Variants in CACNA1B observed in about 807,000 individuals in gnomAD.
CACNA1B encodes calcium voltage-gated channel subunit alpha1 B.
Under a neutral mutation model 247.2 loss-of-function variants are expected in CACNA1B, and 70 were observed. That is an observed-to-expected ratio of 0.28 (90% CI 0.23 to 0.35). The LOEUF (loss-of-function observed/expected upper bound fraction) is 0.35, where lower values mean the gene tolerates loss of function less well. CACNA1B is among the 10% of genes least tolerant of loss of function. CACNA1B has a pLI of 1.00. For missense variants in CACNA1B, 2,367 were observed against 3,197.4 expected (o/e 0.74, Z 6.26); for synonymous variants, 1,231 against 1,294.4 (o/e 0.95, Z 1.05).
At chr9:137,938,924 A>G (rs1957699593) in intron 6 of CACNA1B, among the ~76,000 whole-genome samples, 1 of 152,140 alleles carries the variant, frequency 6.6e-6, no homozygotes, top group Non-Finnish European at 1.5e-5. Flanking sequence ...AATACAAAAT[A>G]GCCAGGTGTG....
chr9:138,014,457 T>A lies in CACNA1B; in HGVS notation c.2267+1222T>A, dbSNP rs1958765470. ...GATGGGAGGGGCCTGCAGGGGAACT[T>A]GGCAGCTGTGGACACGGTGGCCATC... On this transcript the variant is annotated intron_variant, in intron 18 of 46. Coordinates refer to ENST00000371372, the MANE Select transcript of CACNA1B (RefSeq NM_000718.4). The surrounding 1 kb of genome is among the most constrained non-coding windows in gnomAD (Gnocchi z 6.2). 6.6e-6 allele frequency among the ~76,000 whole-genome samples: 1 copy of A among 152,010 alleles called. No homozygotes were observed. The highest frequency in any genetic ancestry group is 1.5e-5 in the Non-Finnish European group (1 of 67,976).
rs1959257819 is a variant in CACNA1B, at chr9:138,051,058, A to G, written c.3711-1034A>G. ...GACGTGGCCTCTGAGCAGGGTGGGA[A>G]GGGTTCCATGTGTGAGTGAATCCCA... is the stretch of plus-strand genomic sequence containing the variant. On this transcript the variant is annotated intron_variant, in intron 24 of 46. Transcript: ENST00000371372. This position sits in a 1 kb window ranked among gnomAD's most constrained non-coding sequence, Gnocchi z 4.3. Among the ~76,000 whole-genome samples the G allele has an allele frequency of 6.6e-6, 1 of 152,072 alleles. No individual in the cohort carries two copies. The highest frequency in any genetic ancestry group is 1.5e-5 in the Non-Finnish European group (1 of 67,998).
chr9:137,923,542 A>ATGGC (rs1652352371), intron 6 of CACNA1B, among the ~76,000 whole-genome samples: 1 of 151,626 alleles, frequency 6.6e-6, no homozygotes, highest in Non-Finnish European at 1.5e-5. Flanking sequence ...ATTCCGTGCT[A>ATGGC]TGGCTGTACC....
Position 138,121,031 on chromosome 9 carries a change from T to C in CACNA1B, c.6489+150T>C, listed in dbSNP as rs1962074914. Reference sequence around the variant, plus strand: ...GGGCCGGGCGCTCCCCTCTGTGCCCTGTCCCGGAGCCCACGTCTGCAGCCT... The same window carrying C: ...GGGCCGGGCGCTCCCCTCTGTGCCCCGTCCCGGAGCCCACGTCTGCAGCCT... On this transcript the variant is annotated intron_variant, in intron 46 of 46. Coordinates refer to ENST00000371372, the MANE Select transcript of CACNA1B (RefSeq NM_000718.4). The surrounding 1 kb of genome is among the most constrained non-coding windows in gnomAD (Gnocchi z 6.8). 1.2e-5 allele frequency: 11 copies of C among 903,066 alleles called. No individual in the cohort carries two copies. Among genetic ancestry groups the C allele is most frequent in the African/African-American group, 1.7e-5 (1 of 58,428 alleles). The allele number at this position is 903,066 out of a possible 1,614,324, so 55.9% of individuals were successfully genotyped here. A position where few individuals can be genotyped will look rare whatever the true frequency, so the allele number is the denominator to read the frequency against.
Position 138,049,256 on chromosome 9 carries a change from C to T in CACNA1B, c.3651C>T (p.Asp1217=). 1 of 1,613,850 alleles carries T rather than the reference C, an allele frequency of 6.2e-7. No homozygotes were observed. The highest frequency in any genetic ancestry group is 8.5e-7 in the Non-Finnish European group (1 of 1,179,694). ...TTCACCCTGGAGCCTATTTCCGGGA[C>T]TTGTGGAACATTCTGGACTTCATTG... The part of the protein sequence containing the change: ...LLLHPGAYFR[D]LWNILDFIVV... Residue 1217 remains aspartate, a synonymous_variant, in exon 24 of 47, where the codon GAC becomes GAT. Coordinates refer to ENST00000371372, the MANE Select transcript of CACNA1B (RefSeq NM_000718.4).
rs1310684709 is a variant in CACNA1B at position 138,054,707 on chromosome 9, G to A, written c.3968+701G>A. 2.6e-5 allele frequency among the ~76,000 whole-genome samples: 4 copies of A among 152,200 alleles called. No homozygotes were observed. The highest frequency in any genetic ancestry group is 5.9e-5 in the Non-Finnish European group (4 of 68,034). On this transcript the variant is annotated intron_variant, in intron 26 of 46. Transcript: ENST00000371372. This position sits in a 1 kb window ranked among gnomAD's most constrained non-coding sequence, Gnocchi z 4.6. ...GTATCTGTCTGGTAGTGGAATTGCCGGGTCCTGGGTGTGCGTGTACTCAGC... is the reference window on the plus strand; with the variant it reads ...GTATCTGTCTGGTAGTGGAATTGCCAGGTCCTGGGTGTGCGTGTACTCAGC...
chr9:137,954,326 A>G lies in CACNA1B; in HGVS notation c.1071-1372A>G, dbSNP rs1957918583. Among the ~76,000 whole-genome samples the G allele has an allele frequency of 6.6e-6, 1 of 152,198 alleles. No individual in the cohort carries two copies. ...TGCAGGAGGGGCCAGCTTGGGGCCA[A>G]TTCGGCATCTCTCTCTCCATTCCCA... On this transcript the variant is annotated intron_variant, in intron 7 of 46. Transcript: ENST00000371372. The surrounding 1 kb of genome is among the most constrained non-coding windows in gnomAD (Gnocchi z 4.1).
At chr9:138,015,538 C>T (rs996308694) in intron 18 of CACNA1B, among the ~76,000 whole-genome samples, 1 of 146,806 alleles carries the variant, frequency 6.8e-6, no homozygotes, top group South Asian at 2.1e-4. Flanking sequence ...CTGGGCTGTG[C>T]GAGAGCAGTG....
chr9:137,965,743 G>A (rs982881186), intron 10 of CACNA1B, among the ~76,000 whole-genome samples: 7 of 152,070 alleles, frequency 4.6e-5, no homozygotes, highest in East Asian at 1.9e-4. Flanking sequence ...CCACCACCAC[G>A]CCCAGCTAAT....
At chr9:137,993,489 C>G (rs1375096037) in intron 15 of CACNA1B, among the ~76,000 whole-genome samples, 1 of 151,824 alleles carries the variant, frequency 6.6e-6, no homozygotes, top group East Asian at 1.9e-4. Context: ...AATATAAGCT[C>G]AATTAGAAAT....
intron 20 of CACNA1B, among the ~76,000 whole-genome samples, chr9:138,043,065 G>A (rs999860297): frequency 3.9e-5 from 6 of 152,182 alleles, no homozygotes; most frequent in African/African-American, 1.2e-4. Flanking sequence ...GAAAAACACT[G>A]GGCAGGGACA....
intron 6 of CACNA1B, among the ~76,000 whole-genome samples, chr9:137,951,683 G>T (rs1012456690): frequency 6.6e-5 from 10 of 152,244 alleles, no homozygotes; most frequent in Non-Finnish European, 1.3e-4. Context: ...AAAAGCAAAA[G>T]ATCTGGGAAA....
chr9:137,969,341 A>G (rs989816277), intron 10 of CACNA1B, among the ~76,000 whole-genome samples: 1 of 152,204 alleles, frequency 6.6e-6, no homozygotes, highest in Non-Finnish European at 1.5e-5. Flanking sequence ...GGCTGTTGGC[A>G]TGACTATGGT....
In CACNA1B at chr9:138,086,212, C is replaced by G. The variant is rs1411707323; in HGVS notation, c.5094+7954C>G. ...CTGGCTGAATAGATTTTTTAAATGA[C>G]CCAACTATATACTGCCTACAAGAAG... On this transcript the variant is annotated intron_variant, in intron 36 of 46. Coordinates refer to ENST00000371372, the MANE Select transcript of CACNA1B (RefSeq NM_000718.4). 1.3e-5 allele frequency among the ~76,000 whole-genome samples: 2 copies of G among 151,070 alleles called. 1 individual carries two copies. Among genetic ancestry groups the G allele is most frequent in the East Asian group, 4.1e-4 (2 of 4,928 alleles).
intron 18 of CACNA1B, among the ~76,000 whole-genome samples, chr9:138,021,436 TTA>T (rs777417858): frequency 6.6e-6 from 1 of 152,222 alleles, no homozygotes; most frequent in Admixed American, 6.5e-5. Context: ...GGGGCAGGAT[TTA>T]TTGTTCACCT....
intron 18 of CACNA1B, among the ~76,000 whole-genome samples, chr9:138,016,174 TCA>T (rs946451062): frequency 3.9e-5 from 6 of 152,032 alleles, no homozygotes; most frequent in African/African-American, 1.5e-4. Flanking sequence ...ACACACAGTC[TCA>T]CACACACAGT....
chr9:137,986,556 C>T lies in CACNA1B; in HGVS notation c.1901+12C>T, dbSNP rs199845791. On this transcript the variant is annotated intron_variant, in intron 14 of 46. Coordinates refer to ENST00000371372, the MANE Select transcript of CACNA1B (RefSeq NM_000718.4). The surrounding 1 kb of genome is among the most constrained non-coding windows in gnomAD (Gnocchi z 6.0). The stretch of plus-strand genomic sequence containing the variant: ...CTGTTTGGGGGACAGTAAGTGGGCC[C>T]GGGAGGGAGAGCTCAAGGCTGGGGG... 17 of 1,613,380 alleles carry T rather than the reference C, an allele frequency of 1.1e-5. No homozygotes were observed. Among genetic ancestry groups the T allele is most frequent in the South Asian group, 5.5e-5 (5 of 91,036 alleles).
chr9:138,022,717 A>C (rs1589074031), intron 18 of CACNA1B, among the ~76,000 whole-genome samples: 1 of 146,420 alleles, frequency 6.8e-6, no homozygotes, highest in African/African-American at 2.5e-5. Context: ...GTGCATTCCC[A>C]CTGTCCTGTA....
Position 138,043,766 on chromosome 9 carries a change from C to T in CACNA1B, c.3287-8C>T, listed in dbSNP as rs1199652268. The T allele has an allele frequency of 2.5e-6, 4 of 1,613,724 alleles. No individual in the cohort carries two copies. The highest frequency in any genetic ancestry group is 2.7e-5 in the African/African-American group (2 of 74,884). On this transcript the variant is annotated splice_polypyrimidine_tract_variant and splice_region_variant and intron_variant, in intron 20 of 46. Coordinates refer to ENST00000371372, the MANE Select transcript of CACNA1B (RefSeq NM_000718.4). ...CACCCCTTACTCGGGGGCCCTGTGT[C>T]CTTGTAGGTGGTAACGTGGACCTGG... is the stretch of plus-strand genomic sequence containing the variant.
Sources: gnomAD v4.1 joint callset for allele counts (sites outside exome capture counted in the v4.1 genomes callset) on GRCh38, gnomAD v4.1.1 for gene constraint, Gnocchi (gnomAD v3.1) non-coding constraint, MANE v1.5 for transcripts, NCBI Gene and HGNC (gene_info 2026-07-23, HGNC 2026-07-21) for gene names.